The following SNTG2 variants were observed in gnomAD, a reference collection of about 807,000 sequenced individuals.
The protein encoded by SNTG2 is gamma-2-syntrophin.
A neutral mutation model predicts 70.9 loss-of-function variants in SNTG2; 74 were observed. That is an observed-to-expected ratio of 1.04 (90% CI 0.86 to 1.27). SNTG2 has a LOEUF of 1.27. Ranked by LOEUF, SNTG2 falls within the 50% of genes most tolerant of loss-of-function variation. The pLI is 0.00. For synonymous variants in SNTG2, 278 were observed against 273.8 expected, an observed-to-expected ratio of 1.02 and a Z score of -0.15; for missense variants, 717 against 690.7, an observed-to-expected ratio of 1.04 and a Z score of -0.43.
At chr2:1,252,465 C>T (rs1226698544) in intron 12 of SNTG2, among the ~76,000 whole-genome samples, 1 of 152,174 alleles carries the variant, frequency 6.6e-6, no homozygotes, top group Non-Finnish European at 1.5e-5. Flanking sequence ...TTATAAATAT[C>T]ATACAATGGA....
At chr2:1,333,300 C>A (rs4377371) in intron 16 of SNTG2, among the ~76,000 whole-genome samples, 83,011 of 151,964 alleles carry the variant, frequency 0.55, 22,739 homozygotes, top group Middle Eastern at 0.68. Flanking sequence ...GAAATCATAG[C>A]TGACACAGAC....
chr2:1,164,350 C>G (rs1352907957), intron 6 of SNTG2, among the ~76,000 whole-genome samples: 1 of 118,448 alleles, frequency 8.4e-6, no homozygotes. Flanking sequence ...AGGTAGGAAC[C>G]TGCCCAAACT....
intron 9 of SNTG2, among the ~76,000 whole-genome samples, chr2:1,221,429 C>CTCTCTGTCTCTGCCTCTGCCTCTCTCTG (rs1674804589): frequency 7.4e-6 from 1 of 134,466 alleles, no homozygotes; most frequent in African/African-American, 2.7e-5. Flanking sequence ...TTGTCTCTGT[C>CTCTCTGTCTCTGCCTCTGCCTCTCTCTG]TCTCTCTGTC....
At chr2:1,222,300 G>A (rs186141586) in intron 9 of SNTG2, among the ~76,000 whole-genome samples, 9 of 152,316 alleles carry the variant, frequency 5.9e-5, no homozygotes, top group African/African-American at 1.2e-4. Flanking sequence ...CAAAGTCTCC[G>A]CTTTTGGACA....
At chr2:1,098,304 A>G in intron 3 of SNTG2, 49 bp from the exon 4 acceptor site, 1 of 1,613,718 alleles carries the variant, frequency 6.2e-7, no homozygotes, top group Non-Finnish European at 8.5e-7. Flanking sequence ...AGAACTTTCC[A>G]GTGTGAATCA....
chr2:1,222,064 T>C (rs1417466326), intron 9 of SNTG2, among the ~76,000 whole-genome samples: 61 of 3,042 alleles, frequency 0.02, 10 homozygotes, highest in African/African-American at 0.03. Flanking sequence ...TCTGTCTCTG[T>C]TTCTCTCTGT....
intron 16 of SNTG2, among the ~76,000 whole-genome samples, chr2:1,317,363 C>T (rs538759477): frequency 2.2e-5 from 2 of 92,216 alleles, no homozygotes; most frequent in Admixed American, 1.2e-4. Context: ...TAGCATGAGG[C>T]CAGCATTGGA....
intron 14 of SNTG2, among the ~76,000 whole-genome samples, chr2:1,275,968 T>A (rs1350800637): frequency 6.6e-6 from 1 of 152,214 alleles, no homozygotes; most frequent in Non-Finnish European, 1.5e-5. Context: ...CCAGCCACAA[T>A]ACTCCTTTAA....
chr2:990,202 C>T (rs923855851), intron 1 of SNTG2, among the ~76,000 whole-genome samples: 2 of 152,244 alleles, frequency 1.3e-5, no homozygotes, highest in Non-Finnish European at 2.9e-5. Flanking sequence ...ACGTCCATGG[C>T]CATTCAGTTC....
At chr2:1,184,079 G>A (rs1672099821) in intron 8 of SNTG2, among the ~76,000 whole-genome samples, 2 of 152,128 alleles carry the variant, frequency 1.3e-5, no homozygotes, top group Non-Finnish European at 2.9e-5. Flanking sequence ...GATTGTGGGG[G>A]CCACCCTTGG....
intron 2 of SNTG2, among the ~76,000 whole-genome samples, chr2:1,092,408 C>T (rs1018845929): frequency 6.6e-6 from 1 of 152,226 alleles, no homozygotes; most frequent in East Asian, 1.9e-4. Flanking sequence ...GGATTAACAC[C>T]CCAGGTCATC....
At chr2:1,042,678 A>G (rs1185385605) in intron 1 of SNTG2, among the ~76,000 whole-genome samples, 4 of 152,196 alleles carry the variant, frequency 2.6e-5, no homozygotes, top group African/African-American at 9.6e-5. Context: ...AGCTCCATCC[A>G]TGTTGCTGTA....
intron 15 of SNTG2, among the ~76,000 whole-genome samples, chr2:1,315,220 G>A (rs1406210438): frequency 1.3e-5 from 2 of 152,202 alleles, no homozygotes; most frequent in Non-Finnish European, 2.9e-5. Flanking sequence ...GAGGAAACAT[G>A]TGCTTTGACA....
chr2:1,173,008 C>A (rs1671228072), intron 7 of SNTG2, 84 bp from the exon 8 acceptor site: 1 of 1,258,812 alleles, frequency 7.9e-7, no homozygotes. Flanking sequence ...TTCCCATGCA[C>A]AGGTAGAACT....
At chr2:1,362,259 A>C (rs1309872235) in intron 16 of SNTG2, among the ~76,000 whole-genome samples, 4 of 150,504 alleles carry the variant, frequency 2.7e-5, no homozygotes, top group Non-Finnish European at 5.9e-5. Flanking sequence ...ACTTCCGTGA[A>C]AGTCACCGAC....
chr2:1,311,553 G>A (rs140560409), intron 15 of SNTG2, among the ~76,000 whole-genome samples: 52 of 152,286 alleles, frequency 3.4e-4, no homozygotes, highest in African/African-American at 1.2e-3. Flanking sequence ...TCATGTCAAT[G>A]TAGGATGACA....
intron 2 of SNTG2, among the ~76,000 whole-genome samples, chr2:1,095,162 C>T (rs959945951): frequency 6.6e-6 from 1 of 152,212 alleles, no homozygotes; most frequent in Non-Finnish European, 1.5e-5. Flanking sequence ...ATAGGGCCCA[C>T]CTGAATGACC....
At chr2:1,270,078 C>G (rs976347541) in intron 14 of SNTG2, among the ~76,000 whole-genome samples, 2 of 152,166 alleles carry the variant, frequency 1.3e-5, no homozygotes, top group African/African-American at 2.4e-5. Flanking sequence ...CAAGGTCATG[C>G]AAGACCTCTC....
chr2:1,233,622 G>A (rs1159889049), intron 9 of SNTG2, among the ~76,000 whole-genome samples: 3 of 152,216 alleles, frequency 2.0e-5, no homozygotes, highest in Non-Finnish European at 2.9e-5. Context: ...ACAGGAGGTG[G>A]AGACCTGAGC....
Sources: allele counts gnomAD v4.1 joint callset (sites outside exome capture counted in the v4.1 genomes callset), GRCh38; gene constraint gnomAD v4.1.1; transcripts MANE v1.5; gene names NCBI Gene and HGNC (gene_info 2026-07-23, HGNC 2026-07-21).